The following PLXNA2 variants were observed in gnomAD, a reference collection of about 807,000 sequenced individuals.
PLXNA2 encodes the protein plexin A2, also known as plexin-A2.
In PLXNA2, 91 loss-of-function variants were observed where a neutral mutation model predicts 193.5. That is an observed-to-expected ratio of 0.47 (90% confidence interval 0.40 to 0.56). PLXNA2 has a LOEUF of 0.56. PLXNA2 is among the 20% of genes least tolerant of loss of function. The pLI, the probability that PLXNA2 is intolerant of heterozygous loss-of-function variation, is 0.00. For missense variants in PLXNA2, 1,995 were observed against 2,503.2 expected, an observed-to-expected ratio of 0.80 and a Z score of 4.33; for synonymous variants, 997 against 1,027.3, an observed-to-expected ratio of 0.97 and a Z score of 0.56.
chr1:208,045,059 T>C lies in PLXNA2; in HGVS notation c.3639+8A>G. On this transcript the variant is annotated splice_region_variant and intron_variant, in intron 19 of 31. Transcript: ENST00000367033. The stretch of plus-strand genomic sequence containing the variant: ...GAAGGAGGCATTACAGACGCAGGGC[T>C]CACTCACCATGACCTTGTGCTGCCC... 6.2e-7 allele frequency: 1 copy of C among 1,613,918 alleles called. No homozygotes were observed. Among genetic ancestry groups the C allele is most frequent in the Non-Finnish European group, 8.5e-7 (1 of 1,179,940 alleles).
rs1227105369 is a variant in PLXNA2 at position 208,027,323 on chromosome 1, C to T, written c.5605G>A (p.Glu1869Lys). The change falls in exon 32 of 32, where the codon GAG becomes AAG. Residue 1869 changes from glutamate (E) to lysine (K), a missense_variant. This residue lies in a region of PLXNA2 where 1,291 missense variants were observed against 1,673.6 expected (regional missense o/e 0.77). Coordinates refer to ENST00000367033, the MANE Select transcript of PLXNA2 (RefSeq NM_025179.4). ...KYSEELIGAL[E>K]QDEQARRQRL... is the part of the protein sequence containing the mutation. ...TGCCGCCGTGCCTGCTCATCCTGCT[C>T]TAGGGCCCCGATGAGCTGAGGAGCA... 6.2e-7 allele frequency: 1 copy of T among 1,613,168 alleles called. No individual in the cohort carries two copies. The highest frequency in any genetic ancestry group is 1.3e-5 in the African/African-American group (1 of 75,050).
rs558429154 is a variant in PLXNA2 at position 208,086,664 on chromosome 1, G to A, written c.2098-2084C>T. ...GAGAGAGAATCACAAGGCAACCCCA[G>A]AACAGATGGGTCCCTGTTTAGGAGC... On this transcript the variant is annotated intron_variant, in intron 9 of 31. Coordinates refer to ENST00000367033, the MANE Select transcript of PLXNA2 (RefSeq NM_025179.4). Among the ~76,000 whole-genome samples the A allele has an allele frequency of 2.8e-4, 42 of 151,558 alleles. No homozygotes were observed. The South Asian group carries it at 7.5e-3, about 27-fold the overall frequency.
intron 1 of PLXNA2, among the ~76,000 whole-genome samples, chr1:208,237,045 T>C (rs1299593826): frequency 6.6e-6 from 1 of 152,200 alleles, no homozygotes; most frequent in African/African-American, 2.4e-5. Context: ...TCTTCGTCCT[T>C]CTAACCTTTC....
chr1:208,107,090 T>C (rs907894309), intron 4 of PLXNA2, among the ~76,000 whole-genome samples: 1 of 152,162 alleles, frequency 6.6e-6, no homozygotes, highest in African/African-American at 2.4e-5. Flanking sequence ...AACAATGTCC[T>C]CCATGAGGCA....
intron 3 of PLXNA2, among the ~76,000 whole-genome samples, chr1:208,176,281 C>T (rs780968549): frequency 7.2e-5 from 11 of 152,130 alleles, no homozygotes; most frequent in South Asian, 2.1e-4. Context: ...TTCATTTCCA[C>T]GGGCATGGGT....
intron 12 of PLXNA2, among the ~76,000 whole-genome samples, chr1:208,077,559 T>G (rs1158662348): frequency 6.6e-6 from 1 of 152,068 alleles, no homozygotes; most frequent in Non-Finnish European, 1.5e-5. Context: ...ACACCATGGG[T>G]GCCCACAGAT....
At chr1:208,075,294 A>G (rs1666110806) in intron 12 of PLXNA2, among the ~76,000 whole-genome samples, 1 of 138,466 alleles carries the variant, frequency 7.2e-6, no homozygotes, top group Non-Finnish European at 1.6e-5. Context: ...TGGGCGATAG[A>G]GTGAGACTCT....
chr1:208,083,177 C>A (rs757888175), intron 10 of PLXNA2, among the ~76,000 whole-genome samples: 18 of 152,198 alleles, frequency 1.2e-4, no homozygotes, highest in Non-Finnish European at 2.2e-4. Context: ...GTGCCCACAG[C>A]TTTCCGGACA....
At chr1:208,036,395 C>A (rs1392264186) in intron 26 of PLXNA2, among the ~76,000 whole-genome samples, 2 of 152,156 alleles carry the variant, frequency 1.3e-5, no homozygotes, top group African/African-American at 4.8e-5. Context: ...CTGTCTTAAC[C>A]AACAGGTGGT....
chr1:208,128,765 G>A (rs1668051731), intron 4 of PLXNA2, among the ~76,000 whole-genome samples: 1 of 137,210 alleles, frequency 7.3e-6, no homozygotes, highest in Non-Finnish European at 1.5e-5. Context: ...GCAGTGGAGC[G>A]ATCTCGGCTC....
chr1:208,126,955 T>C lies in PLXNA2; in HGVS notation c.1506+15374A>G, dbSNP rs541672910. ...TTCCAATTCAGCACCTTTATAAAAC[T>C]TACCTAATGAAGTTAAGAGGAAAAA... On this transcript the variant is annotated intron_variant, in intron 4 of 31. Transcript: ENST00000367033. Among the ~76,000 whole-genome samples, 9 of 152,250 alleles carry C rather than the reference T, an allele frequency of 5.9e-5. No individual in the cohort carries two copies. The South Asian group carries it at 1.9e-3, about 32-fold the overall frequency.
rs1209660785 is a variant in PLXNA2 at position 208,042,141 on chromosome 1, T to A, written c.4243A>T (p.Lys1415Ter). 1 of 1,614,052 alleles carries A rather than the reference T, an allele frequency of 6.2e-7. No individual in the cohort carries two copies. The highest frequency in any genetic ancestry group is 1.3e-5 in the African/African-American group (1 of 74,922). The part of the protein sequence containing the change: ...LKQLLSDLID[K>*]NLENKNHPKL... ...GGGTGGTTCTTGTTCTCCAGGTTCT[T>A]ATCGATGAGGTCAGAGAGCAGCTGC... The change falls in exon 22 of 32, where the codon AAG becomes TAG. Residue 1415 changes from lysine (K) to a stop codon, truncating the protein, a stop_gained. Transcript: ENST00000367033. LOFTEE classifies it high-confidence loss of function.
At chr1:208,128,723 A>T (rs113440875) in intron 4 of PLXNA2, among the ~76,000 whole-genome samples, 6,449 of 87,138 alleles carry the variant, frequency 0.074, 228 homozygotes, top group Middle Eastern at 0.12. Context: ...TTTTTTTGGG[A>T]TGGAGTCTCT....
intron 4 of PLXNA2, among the ~76,000 whole-genome samples, chr1:208,117,482 C>T (rs903597261): frequency 1.3e-5 from 2 of 152,158 alleles, no homozygotes; most frequent in African/African-American, 4.8e-5. Context: ...ACAACCTGTC[C>T]AAAAGACCCC....
chr1:208,105,082 C>A (rs896964771), intron 4 of PLXNA2, among the ~76,000 whole-genome samples: 4 of 152,170 alleles, frequency 2.6e-5, no homozygotes, highest in Non-Finnish European at 4.4e-5. Flanking sequence ...AAGCCACCCC[C>A]CACTGTGGAG....
chr1:208,239,667 G>A (rs1671983458), intron 1 of PLXNA2, among the ~76,000 whole-genome samples: 1 of 152,238 alleles, frequency 6.6e-6, no homozygotes, highest in Non-Finnish European at 1.5e-5. Flanking sequence ...TTATAGAGCT[G>A]TCTATAACCT....
intron 13 of PLXNA2, among the ~76,000 whole-genome samples, chr1:208,055,128 G>A (rs1490934503): frequency 6.6e-6 from 1 of 152,170 alleles, no homozygotes; most frequent in Non-Finnish European, 1.5e-5. Context: ...AAAGGGGTGG[G>A]AGCTGGACAA....
chr1:208,200,858 G>A (rs943228151), intron 3 of PLXNA2, among the ~76,000 whole-genome samples: 9 of 151,882 alleles, frequency 5.9e-5, no homozygotes, highest in Non-Finnish European at 7.4e-5. Flanking sequence ...TGCCTGCCTC[G>A]GCCTCCCAAA....
intron 17 of PLXNA2, among the ~76,000 whole-genome samples, chr1:208,048,262 G>A (rs1335390705): frequency 6.6e-6 from 1 of 152,178 alleles, no homozygotes; most frequent in East Asian, 1.9e-4. Context: ...TATCCACTGG[G>A]GCAGCTTCAA....
Sources: gnomAD v4.1 joint callset for allele counts (sites outside exome capture counted in the v4.1 genomes callset) on GRCh38, gnomAD v4.1.1 for gene constraint, gnomAD v4.1.1 regional missense constraint, MANE v1.5 for transcripts, NCBI Gene and HGNC (gene_info 2026-07-23, HGNC 2026-07-21) for gene names.